SLC25A30: variants seen among roughly 807,000 people sequenced by gnomAD.
SLC25A30 encodes the protein solute carrier family 25 member 30, also known as kidney mitochondrial carrier protein 1.
A neutral mutation model predicts 42.7 loss-of-function variants in SLC25A30; 29 were observed. The observed-to-expected ratio is 0.68, with a 90% CI of 0.51 to 0.93. The LOEUF (loss-of-function observed/expected upper bound fraction) is 0.93. Ranked by LOEUF, SLC25A30 falls within the 40% of genes least tolerant of loss-of-function variation. The probability of loss-of-function intolerance (pLI) is 0.00; values close to 1 mark genes in which losing one functional copy is unlikely to be tolerated. For missense variants in SLC25A30, 300 were observed against 359.7 expected, an observed-to-expected ratio of 0.83 and a Z score of 1.34; for synonymous variants, 124 against 131.0, an observed-to-expected ratio of 0.95 and a Z score of 0.37.
upstream of SLC25A30, among the ~76,000 whole-genome samples, chr13:45,419,169 CAG>C (rs1452690688): frequency 7.1e-6 from 1 of 141,018 alleles, no homozygotes; most frequent in Non-Finnish European, 1.5e-5. Flanking sequence ...AATGTCCAAA[CAG>C]AACAAAAAAT....
chr13:45,425,436 G>GTA, the SLC25A30 span, among the ~76,000 whole-genome samples: 1 of 105,552 alleles, frequency 9.5e-6, no homozygotes, highest in Non-Finnish European at 1.8e-5. Flanking sequence ...ATAAATATAT[G>GTA]TATATATAAA....
the SLC25A30 span, among the ~76,000 whole-genome samples, chr13:45,426,859 A>C: frequency 1.3e-5 from 2 of 152,156 alleles, no homozygotes; most frequent in Non-Finnish European, 2.9e-5. Context: ...TACGAGGATA[A>C]TTTCTTTCTT....
At chr13:45,423,834 A>C in the SLC25A30 span, among the ~76,000 whole-genome samples, 2 of 77,192 alleles carry the variant, frequency 2.6e-5, no homozygotes, top group African/African-American at 1.0e-4. Flanking sequence ...ATATATTTAT[A>C]TATATAAATA....
chr13:45,411,336 G>A (rs753544440), intron 2 of SLC25A30, 26 bp downstream of exon 2: 6 of 1,533,194 alleles, frequency 3.9e-6, no homozygotes, highest in Admixed American at 3.3e-5. Context: ...AGCAGGCTAC[G>A]TGATCCACCA....
intron 1 of SLC25A30, among the ~76,000 whole-genome samples, chr13:45,415,712 A>G (rs1883455628): frequency 6.9e-6 from 1 of 144,722 alleles, no homozygotes; most frequent in Non-Finnish European, 1.5e-5. Context: ...AGATGGCGCC[A>G]CTGCACTGTG....
At chr13:45,425,758 A>T in the SLC25A30 span, among the ~76,000 whole-genome samples, 1 of 143,964 alleles carries the variant, frequency 6.9e-6, no homozygotes, top group Non-Finnish European at 1.5e-5. Context: ...AGTGGTGGGA[A>T]CTCGGCTCAC....
At chr13:45,397,207 G>A (rs1881429542) in intron 9 of SLC25A30, 51 bp downstream of exon 9, 3 of 1,176,008 alleles carry the variant, frequency 2.6e-6, no homozygotes, top group Admixed American at 3.9e-5. Flanking sequence ...TATACAAATA[G>A]TATTCTTTAG....
chr13:45,420,612 C>G (rs1883868788), upstream of SLC25A30, among the ~76,000 whole-genome samples: 1 of 152,186 alleles, frequency 6.6e-6, no homozygotes, highest in African/African-American at 2.4e-5. Context: ...CCCCACCAGC[C>G]CATGCTAATA....
the SLC25A30 span, among the ~76,000 whole-genome samples, chr13:45,424,885 T>C: frequency 1.8e-5 from 1 of 54,904 alleles, no homozygotes; most frequent in African/African-American, 7.3e-5. Flanking sequence ...AATATATAAA[T>C]ATATATTTAA....
chr13:45,395,810 C>T lies in SLC25A30; in HGVS notation c.*164G>A. ...CCATTAAACGTTTGATGAAGAGCAT[C>T]CAATGCCAACACACAGCAATCTCAA... On this transcript the variant is annotated 3_prime_UTR_variant, in exon 10 of 10. Coordinates refer to ENST00000519676, the MANE Select transcript of SLC25A30 (RefSeq NM_001010875.4). 3 of 1,508,348 alleles carry T rather than the reference C, an allele frequency of 2.0e-6. No homozygotes were observed. Among genetic ancestry groups the T allele is most frequent in the Non-Finnish European group, 2.7e-6 (3 of 1,129,160 alleles). The allele number at this position is 1,508,348 out of a possible 1,614,324, so 93.4% of individuals were successfully genotyped here.
At chr13:45,423,195 T>A (rs1281902817), upstream of SLC25A30, among the ~76,000 whole-genome samples, 7 of 151,822 alleles carry the variant, frequency 4.6e-5, no homozygotes, top group Admixed American at 3.3e-4. Flanking sequence ...AAGACAGAGG[T>A]CAGGATGGAG....
intron 4 of SLC25A30, 73 bp downstream of exon 4, chr13:45,405,810 C>A: frequency 7.0e-7 from 1 of 1,418,470 alleles, no homozygotes; most frequent in South Asian, 1.2e-5. Context: ...AGAAAACCTG[C>A]TCCAAAACCA....
At chr13:45,425,451 T>G in the SLC25A30 span, among the ~76,000 whole-genome samples, 1 of 109,030 alleles carries the variant, frequency 9.2e-6, no homozygotes, top group African/African-American at 3.6e-5. Flanking sequence ...TATAAATATA[T>G]AAGTGTATAT....
At chr13:45,419,242 ATATT>A (rs756998206), upstream of SLC25A30, among the ~76,000 whole-genome samples, 7 of 149,582 alleles carry the variant, frequency 4.7e-5, no homozygotes, top group African/African-American at 7.3e-5. Context: ...ATATATGTAA[ATATT>A]TATTTATATA....
At chr13:45,425,019 C>CATATATGA in the SLC25A30 span, among the ~76,000 whole-genome samples, 1 of 20,100 alleles carries the variant, frequency 5.0e-5, no homozygotes, top group East Asian at 1.7e-3. Flanking sequence ...TATAAATATA[C>CATATATGA]ATATATAAAT....
chr13:45,413,593 C>A (rs1452457787), intron 1 of SLC25A30, among the ~76,000 whole-genome samples: 4 of 149,768 alleles, frequency 2.7e-5, no homozygotes, highest in African/African-American at 9.9e-5. Context: ...CCACTCTTGT[C>A]CCCCAGGCTG....
rs147588870 is a variant in SLC25A30 at position 45,405,967 on chromosome 13, C to T, written c.223G>A (p.Ala75Thr). ...CCATAGGATGCCTGGCGTAACATCG[C>T]GGGGGCAATCCTGTTAAACCAATGT... Reference protein sequence around the residue: ...LKALYSGIAPAMLRQASYGTI... With the variant: ...LKALYSGIAPTMLRQASYGTI... Residue 75 changes from alanine (A) to threonine (T), a missense_variant, in exon 4 of 10, where the codon GCG becomes ACG. Physicochemically the swap from Ala to Thr is moderately conservative, Grantham distance 58. Coordinates refer to ENST00000519676, the MANE Select transcript of SLC25A30 (RefSeq NM_001010875.4). 2.2e-5 allele frequency: 36 copies of T among 1,614,010 alleles called. No homozygotes were observed. Among genetic ancestry groups the T allele is most frequent in the Admixed American group, 3.3e-5 (2 of 59,994 alleles).
intron 1 of SLC25A30, chr13:45,411,820 T>C (rs1462149223): frequency 4.7e-6 from 1 of 214,870 alleles, no homozygotes; most frequent in Non-Finnish European, 9.5e-6. Flanking sequence ...CTTCATGCAA[T>C]AAGTATTTGC....
intron 4 of SLC25A30, among the ~76,000 whole-genome samples, 169 bp downstream of exon 4, chr13:45,405,714 T>C (rs1435384795): frequency 6.6e-6 from 1 of 152,142 alleles, no homozygotes; most frequent in Non-Finnish European, 1.5e-5. Flanking sequence ...CTCAATTGAG[T>C]TGATAACCAA....
Sources: allele counts gnomAD v4.1 joint callset (sites outside exome capture counted in the v4.1 genomes callset), GRCh38; gene constraint gnomAD v4.1.1; transcripts MANE v1.5; gene names NCBI Gene and HGNC (gene_info 2026-07-23, HGNC 2026-07-21).